COPS3: variants seen among roughly 807,000 people sequenced by gnomAD.
The protein encoded by COPS3 is COP9 signalosome complex subunit 3.
COPS3 carries 10 observed loss-of-function variants against 58.2 expected under a neutral mutation model. The ratio of observed to expected loss-of-function variants is 0.17; its 90% CI spans 0.11 to 0.29. The LOEUF (loss-of-function observed/expected upper bound fraction) is 0.29, where lower values mean the gene tolerates loss of function less well. COPS3 is among the 10% of genes least tolerant of loss of function. The pLI, the probability that COPS3 is intolerant of heterozygous loss-of-function variation, is 1.00. For missense variants in COPS3, 333 were observed against 510.1 expected (o/e 0.65, Z 3.34); for synonymous variants, 187 against 181.7 (o/e 1.03, Z -0.24).
At chr17:17,253,382 C>T (rs912662792) in intron 9 of COPS3, among the ~76,000 whole-genome samples, 8 of 152,124 alleles carry the variant, frequency 5.3e-5, no homozygotes, top group African/African-American at 1.4e-4. Context: ...AGGTAGATTA[C>T]AATACATCAA....
At chr17:17,272,673 C>T (rs1373815159) in intron 2 of COPS3, among the ~76,000 whole-genome samples, 1 of 152,064 alleles carries the variant, frequency 6.6e-6, no homozygotes, top group Non-Finnish European at 1.5e-5. Context: ...AGGCCAAGGT[C>T]GGAGGATCAT....
intron 10 of COPS3, chr17:17,247,823 T>G: frequency 2.6e-6 from 1 of 380,434 alleles, no homozygotes; most frequent in Non-Finnish European, 4.7e-6. Flanking sequence ...AACGAGTATA[T>G]TCATGCTGAG....
chr17:17,274,423 TTTC>T (rs1158541662), intron 2 of COPS3, among the ~76,000 whole-genome samples: 1 of 23,202 alleles, frequency 4.3e-5, no homozygotes, highest in African/African-American at 1.2e-4. Flanking sequence ...ATGATTAGCT[TTTC>T]TTTTTTTTTT....
intron 8 of COPS3, among the ~76,000 whole-genome samples, chr17:17,255,479 CTA>C (rs997875514): frequency 7.2e-5 from 2 of 27,970 alleles, no homozygotes; most frequent in Non-Finnish European, 1.4e-4. Context: ...GAGCAAGACT[CTA>C]TTTCAAAAAA....
At chr17:17,278,059 G>C (rs1372196607) in intron 1 of COPS3, among the ~76,000 whole-genome samples, 1 of 152,120 alleles carries the variant, frequency 6.6e-6, no homozygotes, top group Non-Finnish European at 1.5e-5. Context: ...CTTTAACCTG[G>C]GACAATCCTT....
chr17:17,248,474 C>T (rs990487964), intron 10 of COPS3, among the ~76,000 whole-genome samples: 1 of 152,128 alleles, frequency 6.6e-6, no homozygotes, highest in African/African-American at 2.4e-5. Context: ...ACCACCACAC[C>T]CGGCTGATTT....
At chr17:17,273,281 T>C (rs1268020328) in intron 2 of COPS3, among the ~76,000 whole-genome samples, 1 of 152,174 alleles carries the variant, frequency 6.6e-6, no homozygotes, top group East Asian at 1.9e-4. Context: ...TGCAGCTATT[T>C]AAATTAAAAT....
intron 1 of COPS3, 85 bp downstream of exon 1, chr17:17,281,047 G>C: frequency 6.8e-7 from 1 of 1,460,678 alleles, no homozygotes; most frequent in Non-Finnish European, 9.4e-7. Context: ...TAAAAGGGCT[G>C]TTCCAGCCGT....
At position 17,254,870 on chromosome 17, in the gene COPS3, C is replaced by T. The variant is rs750494846; in HGVS notation, c.1012G>A (p.Val338Ile). 6 of 1,586,772 alleles carry T rather than the reference C, an allele frequency of 3.8e-6. No homozygotes were observed. The highest frequency in any genetic ancestry group is 1.4e-5 in the African/African-American group (1 of 73,450). ...GAAAATCCACTTACCATGTGCAGAA[C>T]GTATTTCTCTGCCTCCTGAGGTCCA... Reference protein sequence around the residue: ...LSGPQEAEKYVLHMIEDGEIF... With the variant: ...LSGPQEAEKYILHMIEDGEIF... Residue 338 changes from valine to isoleucine, a missense_variant, in exon 9 of 12, where the codon GTT becomes ATT. By Grantham distance (29) the Val-to-Ile change is conservative. Coordinates refer to ENST00000268717, the MANE Select transcript of COPS3 (RefSeq NM_003653.4).
intron 9 of COPS3, among the ~76,000 whole-genome samples, chr17:17,254,269 C>T (rs1170181389): frequency 6.7e-6 from 1 of 149,616 alleles, no homozygotes; most frequent in Non-Finnish European, 1.5e-5. Flanking sequence ...GATTGCACCA[C>T]TGCACACCAG....
At chr17:17,249,096 A>G in intron 9 of COPS3, 57 bp from the exon 10 acceptor site, 1 of 899,986 alleles carries the variant, frequency 1.1e-6, no homozygotes, top group Middle Eastern at 2.2e-4. Flanking sequence ...ATGCTATATG[A>G]ATAGTCATCC....
At chr17:17,250,597 T>C (rs1259174029) in intron 9 of COPS3, among the ~76,000 whole-genome samples, 1 of 152,200 alleles carries the variant, frequency 6.6e-6, no homozygotes, top group Non-Finnish European at 1.5e-5. Flanking sequence ...GGTCTATATA[T>C]TATTTATTTG....
At chr17:17,275,873 C>T (rs1231057904) in intron 2 of COPS3, among the ~76,000 whole-genome samples, 162 bp downstream of exon 2, 6 of 152,172 alleles carry the variant, frequency 3.9e-5, no homozygotes, top group South Asian at 4.1e-4. Context: ...ACCCGGGAGG[C>T]GGAGCTTGCA....
intron 5 of COPS3, among the ~76,000 whole-genome samples, chr17:17,265,392 C>G (rs1267309231): frequency 4.6e-5 from 7 of 150,934 alleles, no homozygotes; most frequent in African/African-American, 7.3e-5. Context: ...CAGAAAAAAA[C>G]AGCATTACCT....
chr17:17,271,889 T>C (rs1428857774), intron 2 of COPS3, among the ~76,000 whole-genome samples: 5 of 125,518 alleles, frequency 4.0e-5, no homozygotes, highest in Non-Finnish European at 9.5e-5. Flanking sequence ...TTTAATAATA[T>C]ATATTAAATA....
intron 2 of COPS3, among the ~76,000 whole-genome samples, chr17:17,273,948 T>C (rs558076151): frequency 2.6e-5 from 4 of 152,110 alleles, no homozygotes; most frequent in African/African-American, 9.6e-5. Context: ...GCCTGGGAGG[T>C]CGAGGCTACA....
chr17:17,259,045 C>A (rs1224145869), intron 8 of COPS3, among the ~76,000 whole-genome samples: 2 of 152,132 alleles, frequency 1.3e-5, no homozygotes, highest in African/African-American at 4.8e-5. Flanking sequence ...ACCCACCTCT[C>A]TTCTCTAGCT....
chr17:17,272,421 C>CA (rs905214299), intron 2 of COPS3, among the ~76,000 whole-genome samples: 304 of 139,218 alleles, frequency 2.2e-3, no homozygotes, highest in Middle Eastern at 3.6e-3. Context: ...AGACTCGTCT[C>CA]AAAAAAAAAA....
At chr17:17,265,078 T>G in intron 5 of COPS3, 97 bp from the exon 6 acceptor site, 2 of 1,076,572 alleles carry the variant, frequency 1.9e-6, no homozygotes, top group Non-Finnish European at 2.7e-6. Flanking sequence ...TTCCAAATAA[T>G]GTAATTGTGT....
Sources: allele counts gnomAD v4.1 joint callset (sites outside exome capture counted in the v4.1 genomes callset), GRCh38; gene constraint gnomAD v4.1.1; transcripts MANE v1.5; gene names NCBI Gene and HGNC (gene_info 2026-07-23, HGNC 2026-07-21).